COL22A1: variants seen among roughly 807,000 people sequenced by gnomAD.
COL22A1 encodes the protein collagen type XXII alpha 1 chain.
COL22A1 carries 221 observed loss-of-function variants against 248.9 expected under a neutral mutation model. The ratio of observed to expected loss-of-function variants is 0.89; its 90% confidence interval spans 0.80 to 0.99. The LOEUF is 0.99. COL22A1 is among the 50% of genes least tolerant of loss of function. The probability of loss-of-function intolerance (pLI) is 0.00; values close to 1 mark genes in which losing one functional copy is unlikely to be tolerated. For missense variants in COL22A1, 2,240 were observed against 2,179.0 expected (o/e 1.03, Z -0.56); for synonymous variants, 891 against 793.4 (o/e 1.12, Z -2.07).
intron 22 of COL22A1, among the ~76,000 whole-genome samples, chr8:138,748,149 A>G (rs1358032999): frequency 3.9e-5 from 6 of 152,114 alleles, no homozygotes. Context: ...GGCCACCTCA[A>G]ACATCACCTT....
rs1483509640 is a variant in COL22A1 at position 138,636,945 on chromosome 8, T to G, written c.3502-150A>C. The G allele has an allele frequency of 7.1e-6, 5 of 701,204 alleles. No homozygotes were observed. The East Asian group carries it at 1.0e-4, about 14-fold the overall frequency. 43.4% of individuals were successfully genotyped at this position (701,204 alleles called of 1,614,324 possible). On this transcript the variant is annotated intron_variant, in intron 47 of 64. Coordinates refer to ENST00000303045, the MANE Select transcript of COL22A1 (RefSeq NM_152888.3). ...GTAGCTCAGGCACGGTGGCAGCAGA[T>G]AGATAGAAACAGGGCCTGGTTGAGG... is the stretch of plus-strand genomic sequence containing the variant.
chr8:138,694,596 C>A (rs1480207966), intron 33 of COL22A1, 35 bp from the exon 34 acceptor site: 1 of 1,609,130 alleles, frequency 6.2e-7, no homozygotes, highest in Non-Finnish European at 8.5e-7. Context: ...ACCAGCTCAT[C>A]CTCCTGGTTC....
chr8:138,747,170 A>T (rs542653911), intron 22 of COL22A1, among the ~76,000 whole-genome samples: 1 of 152,290 alleles, frequency 6.6e-6, no homozygotes, highest in Non-Finnish European at 1.5e-5. Flanking sequence ...TGATGTGATG[A>T]TTTTAGGACT....
At chr8:138,777,243 T>G (rs1267156905) in intron 15 of COL22A1, among the ~76,000 whole-genome samples, 1 of 152,208 alleles carries the variant, frequency 6.6e-6, no homozygotes, top group Non-Finnish European at 1.5e-5. Context: ...CACACATCTT[T>G]GACCTAGAGA....
intron 9 of COL22A1, 67 bp from the exon 10 acceptor site, chr8:138,807,879 TGG>T: frequency 2.0e-6 from 3 of 1,514,400 alleles, no homozygotes; most frequent in Non-Finnish European, 2.7e-6. Flanking sequence ...CAACACTGGA[TGG>T]TAATCCACCC....
At chr8:138,757,368 G>C (rs1476466638) in intron 18 of COL22A1, among the ~76,000 whole-genome samples, 1 of 152,082 alleles carries the variant, frequency 6.6e-6, no homozygotes. Flanking sequence ...ATCTTTTGAG[G>C]TTCAAAATCA....
chr8:138,598,991 G>A (rs1817769970), intron 60 of COL22A1, 93 bp from the exon 61 acceptor site: 1 of 1,353,602 alleles, frequency 7.4e-7, no homozygotes, highest in Non-Finnish European at 1.0e-6. Context: ...CTGCCTCTTA[G>A]ATCACTGAAA....
chr8:138,869,870 A>G (rs1469068199), intron 3 of COL22A1, among the ~76,000 whole-genome samples: 1 of 152,120 alleles, frequency 6.6e-6, no homozygotes, highest in Non-Finnish European at 1.5e-5. Context: ...CTTCGGGTCC[A>G]CCCAGAGGGA....
Position 138,694,896 on chromosome 8 carries a change from T to C in COL22A1, c.2593-17A>G, listed in dbSNP as rs1475173706. ...TTGTTCTCCCTGTTGGTGAGAAGCA[T>C]AGGGTAGAGTGGACTTCAGGGAGAA... On this transcript the variant is annotated splice_polypyrimidine_tract_variant and intron_variant, in intron 32 of 64. Transcript: ENST00000303045. 1.2e-6 allele frequency: 2 copies of C among 1,613,026 alleles called. No individual in the cohort carries two copies. Among genetic ancestry groups the C allele is most frequent in the African/African-American group, 1.3e-5 (1 of 74,872 alleles).
intron 1 of COL22A1, among the ~76,000 whole-genome samples, chr8:138,909,786 T>C (rs1325052665): frequency 1.3e-5 from 2 of 152,106 alleles, no homozygotes; most frequent in Non-Finnish European, 2.9e-5. Flanking sequence ...CCTCAAACAC[T>C]CTCTGGGTAT....
At chr8:138,601,786 G>C (rs1044899373) in intron 60 of COL22A1, among the ~76,000 whole-genome samples, 7 of 152,284 alleles carry the variant, frequency 4.6e-5, no homozygotes, top group African/African-American at 1.4e-4. Flanking sequence ...GCGGGCATTC[G>C]CACACGGGGA....
chr8:138,646,999 A>G (rs1288460429), intron 46 of COL22A1, among the ~76,000 whole-genome samples: 1 of 152,156 alleles, frequency 6.6e-6, no homozygotes, highest in Non-Finnish European at 1.5e-5. Flanking sequence ...TTTGGTCTCT[A>G]TGGCCCACAG....
At chr8:138,837,637 A>T (rs1820536813) in intron 4 of COL22A1, among the ~76,000 whole-genome samples, 1 of 152,106 alleles carries the variant, frequency 6.6e-6, no homozygotes, top group South Asian at 2.1e-4. Flanking sequence ...CTGCCCCTGT[A>T]TTGGGGCCTC....
chr8:138,731,803 T>A (rs1260767086), intron 23 of COL22A1, among the ~76,000 whole-genome samples: 1 of 152,184 alleles, frequency 6.6e-6, no homozygotes, highest in East Asian at 1.9e-4. Context: ...ATCTCAGCTT[T>A]CCTGGATGAC....
intron 55 of COL22A1, among the ~76,000 whole-genome samples, chr8:138,615,238 T>C (rs930765698): frequency 6.6e-6 from 1 of 152,178 alleles, no homozygotes; most frequent in African/African-American, 2.4e-5. Context: ...GGTCAAAATT[T>C]CCCTTGTTCT....
At chr8:138,751,747 T>G (rs969092153) in intron 21 of COL22A1, among the ~76,000 whole-genome samples, 11 of 152,258 alleles carry the variant, frequency 7.2e-5, no homozygotes, top group Non-Finnish European at 5.9e-5. Flanking sequence ...TAGTTCGTAC[T>G]TTATACTGAG....
intron 22 of COL22A1, among the ~76,000 whole-genome samples, chr8:138,740,195 C>T (rs1184613529): frequency 6.6e-6 from 1 of 152,200 alleles, no homozygotes; most frequent in Non-Finnish European, 1.5e-5. Context: ...AACCATTTTC[C>T]CTCAAGGTCA....
chr8:138,665,979 A>G (rs962115397), intron 41 of COL22A1, among the ~76,000 whole-genome samples: 1 of 152,194 alleles, frequency 6.6e-6, no homozygotes, highest in African/African-American at 2.4e-5. Flanking sequence ...ATTGTCTTTA[A>G]GAATCATGGC....
At chr8:138,670,158 A>T (rs1306219460) in intron 41 of COL22A1, among the ~76,000 whole-genome samples, 1 of 152,136 alleles carries the variant, frequency 6.6e-6, no homozygotes, top group African/African-American at 2.4e-5. Context: ...AAGTGCTAGG[A>T]TTACAGGTTG....
Sources: allele counts gnomAD v4.1 joint callset (sites outside exome capture counted in the v4.1 genomes callset), GRCh38; gene constraint gnomAD v4.1.1; transcripts MANE v1.5; gene names NCBI Gene and HGNC (gene_info 2026-07-23, HGNC 2026-07-21).